NBAS: variants seen among roughly 807,000 people sequenced by gnomAD.
The protein encoded by NBAS is NAG/BC035112 fusion.
Under a neutral mutation model 302.5 loss-of-function variants are expected in NBAS, and 219 were observed. The observed-to-expected ratio is 0.72, with a 90% CI of 0.65 to 0.81. The LOEUF (loss-of-function observed/expected upper bound fraction) is 0.81. Among genes scored for constraint, NBAS ranks in the 30% least tolerant of loss-of-function variants. The pLI, the probability that NBAS is intolerant of heterozygous loss-of-function variation, is 0.00. For missense variants in NBAS, 2,932 were observed against 2,841.6 expected, an observed-to-expected ratio of 1.03 and a Z score of -0.72; for synonymous variants, 1,118 against 1,021.6, an observed-to-expected ratio of 1.09 and a Z score of -1.80.
chr2:14,956,575 G>A, the NBAS span, among the ~76,000 whole-genome samples: 1 of 152,172 alleles, frequency 6.6e-6, no homozygotes, highest in Non-Finnish European at 1.5e-5. Flanking sequence ...TCTCAGTTCT[G>A]CATGGCTGAG....
At chr2:15,414,978 C>G (rs1676856440) in intron 25 of NBAS, among the ~76,000 whole-genome samples, 1 of 152,106 alleles carries the variant, frequency 6.6e-6, no homozygotes, top group South Asian at 2.1e-4. Flanking sequence ...TACAAGATGT[C>G]TTATGAGAAC....
chr2:15,407,311 G>C (rs1440292259), intron 25 of NBAS, among the ~76,000 whole-genome samples: 1 of 152,146 alleles, frequency 6.6e-6, no homozygotes, highest in Non-Finnish European at 1.5e-5. Flanking sequence ...AAAAGTTTAA[G>C]GGGTTAAGTA....
chr2:15,553,517 A>G (rs758911784), intron 4 of NBAS, 44 bp from the exon 5 acceptor site: 1 of 1,513,382 alleles, frequency 6.6e-7, no homozygotes, highest in Non-Finnish European at 9.2e-7. Context: ...TATTATGAAT[A>G]TCTATAGCAG....
At chr2:14,986,402 T>C in the NBAS span, among the ~76,000 whole-genome samples, 1 of 152,094 alleles carries the variant, frequency 6.6e-6, no homozygotes, top group African/African-American at 2.4e-5. Flanking sequence ...ACAATTAATC[T>C]AATACACTGA....
rs148464908 is a variant in NBAS, at chr2:15,287,101, G to A, written c.5110C>T (p.His1704Tyr). 1.8e-4 allele frequency: 293 copies of A among 1,613,486 alleles called. 1 individual carries two copies. Among genetic ancestry groups the A allele is most frequent in the Middle Eastern group, 8.2e-4 (5 of 6,080 alleles). Residue 1704 changes from histidine to tyrosine, a missense_variant, in exon 42 of 52, where the codon CAT becomes TAT. Physicochemically the swap from His to Tyr is moderately conservative, Grantham distance 83. Coordinates refer to ENST00000281513, the MANE Select transcript of NBAS (RefSeq NM_015909.4). ...CTGTCCGTGAAGAGGAACTCCAAATGGGTCATAAAAACTTCCCAGCGGGAG... is the reference window on the plus strand; with the variant it reads ...CTGTCCGTGAAGAGGAACTCCAAATAGGTCATAAAAACTTCCCAGCGGGAG... ...SVSRWEVFMT[H>Y]LEFLFTDSGL...
chr2:14,821,054 G>A, the NBAS span, among the ~76,000 whole-genome samples: 1 of 151,940 alleles, frequency 6.6e-6, no homozygotes, highest in Non-Finnish European at 1.5e-5. Flanking sequence ...AGCCTTCCAT[G>A]TAGCTGGGAC....
chr2:15,336,193 C>T (rs532659820), intron 35 of NBAS, among the ~76,000 whole-genome samples: 1 of 152,152 alleles, frequency 6.6e-6, no homozygotes, highest in South Asian at 2.1e-4. Flanking sequence ...AATCTTAAGA[C>T]AGTATCACAC....
intron 12 of NBAS, 71 bp from the exon 13 acceptor site, chr2:15,478,360 G>T: frequency 8.8e-7 from 1 of 1,139,198 alleles, no homozygotes; most frequent in Non-Finnish European, 1.3e-6. Flanking sequence ...CAAGAACTGT[G>T]GACTTTTTCA....
At position 15,316,841 on chromosome 2, in the gene NBAS, C is replaced by T. The variant is rs189848363; in HGVS notation, c.4583-7594G>A. Among the ~76,000 whole-genome samples, 12 of 152,320 alleles carry T rather than the reference C, an allele frequency of 7.9e-5. No homozygotes were observed. In the South Asian group the frequency reaches 1.5e-3, roughly 18 times the overall value. On this transcript the variant is annotated intron_variant, in intron 38 of 51. Coordinates refer to ENST00000281513, the MANE Select transcript of NBAS (RefSeq NM_015909.4). Reference sequence around the variant, plus strand: ...AGCAGACAACTTCTACAGACTTCAACATCCCTGTCTGACAGCTCTGAAGAG... The same window carrying T: ...AGCAGACAACTTCTACAGACTTCAATATCCCTGTCTGACAGCTCTGAAGAG...
At chr2:15,506,880 G>A (rs550800865) in intron 10 of NBAS, among the ~76,000 whole-genome samples, 64 of 152,216 alleles carry the variant, frequency 4.2e-4, no homozygotes, top group African/African-American at 1.5e-3. Flanking sequence ...AAACAAACTC[G>A]TAAAATGCTG....
At chr2:15,186,705 G>A (rs192827542) in intron 50 of NBAS, 37 bp downstream of exon 50, 21 of 1,613,246 alleles carry the variant, frequency 1.3e-5, no homozygotes, top group Non-Finnish European at 1.8e-5. Flanking sequence ...ATAAGCAAAG[G>A]CCACTCCTTA....
At chr2:14,946,973 A>C in the NBAS span, among the ~76,000 whole-genome samples, 1 of 146,898 alleles carries the variant, frequency 6.8e-6, no homozygotes, top group Non-Finnish European at 1.5e-5. Flanking sequence ...TGAAACAAAT[A>C]AAAATGAAAA....
At chr2:15,177,156 G>A (rs759589121) in intron 51 of NBAS, among the ~76,000 whole-genome samples, 7 of 152,182 alleles carry the variant, frequency 4.6e-5, no homozygotes, top group Non-Finnish European at 8.8e-5. Flanking sequence ...GGGCACAGAC[G>A]TTTCGTGCGC....
chr2:15,554,256 A>AT, intron 3 of NBAS, 118 bp from the exon 4 acceptor site: 2 of 887,408 alleles, frequency 2.3e-6, no homozygotes, highest in Non-Finnish European at 3.6e-6. Context: ...AGAATATAAA[A>AT]TTTGAATATT....
the NBAS span, among the ~76,000 whole-genome samples, chr2:14,860,495 C>T: frequency 2.0e-5 from 3 of 152,134 alleles, no homozygotes; most frequent in African/African-American, 4.8e-5. Flanking sequence ...GAATATTTCT[C>T]ATCCATAAAA....
At chr2:15,036,187 T>C in the NBAS span, among the ~76,000 whole-genome samples, 41 of 152,234 alleles carry the variant, frequency 2.7e-4, no homozygotes, top group Non-Finnish European at 5.0e-4. Context: ...GTATCTTGTC[T>C]TAATTTGCAT....
At chr2:14,856,526 G>A in the NBAS span, among the ~76,000 whole-genome samples, 4 of 152,212 alleles carry the variant, frequency 2.6e-5, no homozygotes, top group East Asian at 1.9e-4. Flanking sequence ...AAACAGCTGT[G>A]TTAAGGAAAC....
intron 35 of NBAS, among the ~76,000 whole-genome samples, chr2:15,332,667 T>A (rs1672407389): frequency 6.6e-6 from 1 of 151,982 alleles, no homozygotes; most frequent in African/African-American, 2.4e-5. Flanking sequence ...ATGAATGACA[T>A]ATAAATAAAG....
At chr2:14,982,861 T>C in the NBAS span, among the ~76,000 whole-genome samples, 1 of 151,722 alleles carries the variant, frequency 6.6e-6, no homozygotes, top group African/African-American at 2.4e-5. Flanking sequence ...GATTAAGAGG[T>C]TGGGGCAGGA....
Sources: gnomAD v4.1 joint callset for allele counts (sites outside exome capture counted in the v4.1 genomes callset) on GRCh38, gnomAD v4.1.1 for gene constraint, MANE v1.5 for transcripts, NCBI Gene and HGNC (gene_info 2026-07-23, HGNC 2026-07-21) for gene names.